ATG4C: variants seen among roughly 807,000 people sequenced by gnomAD.
ATG4C encodes cysteine protease ATG4C.
ATG4C carries 56 observed loss-of-function variants against 57.6 expected under a neutral mutation model. That is an observed-to-expected ratio of 0.97 (90% CI 0.78 to 1.21). The LOEUF is 1.21. Ranked by LOEUF, ATG4C falls within the 50% of genes most tolerant of loss-of-function variation. The probability of loss-of-function intolerance (pLI) is 0.00; values close to 1 mark genes in which losing one functional copy is unlikely to be tolerated. For missense variants in ATG4C, 595 were observed against 529.8 expected, an observed-to-expected ratio of 1.12 and a Z score of -1.21; for synonymous variants, 157 against 174.1, an observed-to-expected ratio of 0.90 and a Z score of 0.78.
chr1:62,813,667 A>G (rs971657525), intron 3 of ATG4C, among the ~76,000 whole-genome samples: 1 of 152,248 alleles, frequency 6.6e-6, no homozygotes, highest in Admixed American at 6.5e-5. Flanking sequence ...TAGGCAACCT[A>G]TAGAATGGGA....
At chr1:62,836,152 A>G (rs1229309588) in intron 9 of ATG4C, among the ~76,000 whole-genome samples, 3 of 152,142 alleles carry the variant, frequency 2.0e-5, no homozygotes, top group Non-Finnish European at 4.4e-5. Context: ...ATGTGTATAC[A>G]ATCAAAATTA....
At chr1:62,799,793 T>C (rs2100289977) in intron 1 of ATG4C, among the ~76,000 whole-genome samples, 1 of 152,312 alleles carries the variant, frequency 6.6e-6, no homozygotes, top group Non-Finnish European at 1.5e-5. Flanking sequence ...TTTTAGTTAT[T>C]TTTAAATGTT....
intron 7 of ATG4C, among the ~76,000 whole-genome samples, chr1:62,830,976 A>G (rs534131421): frequency 1.7e-4 from 26 of 152,266 alleles, no homozygotes; most frequent in African/African-American, 5.8e-4. Flanking sequence ...AAGTCAAGTG[A>G]TATATCCAAA....
At chr1:62,787,499 C>CT (rs781200595) in intron 1 of ATG4C, among the ~76,000 whole-genome samples, 5 of 152,076 alleles carry the variant, frequency 3.3e-5, no homozygotes, top group Non-Finnish European at 7.4e-5. Context: ...AAAATACATA[C>CT]TTGTGATTTT....
intron 1 of ATG4C, 143 bp from the exon 2 acceptor site, chr1:62,803,576 G>A (rs535268120): frequency 3.1e-6 from 1 of 321,236 alleles, no homozygotes; most frequent in Non-Finnish European, 5.6e-6. Flanking sequence ...TTGGTTTTCT[G>A]TTTATTTCTG....
At chr1:62,803,572 TTC>T in intron 1 of ATG4C, 145 bp from the exon 2 acceptor site, 1 of 325,662 alleles carries the variant, frequency 3.1e-6, no homozygotes, top group Non-Finnish European at 5.7e-6. Flanking sequence ...GAAATTGGTT[TTC>T]TGTTTATTTC....
intron 3 of ATG4C, among the ~76,000 whole-genome samples, chr1:62,806,948 G>A (rs1400255089): frequency 2.6e-5 from 4 of 152,164 alleles, no homozygotes; most frequent in Admixed American, 1.3e-4. Context: ...ATCATTTTTG[G>A]TTCAAACAAC....
chr1:62,849,369 G>C (rs1352830552), intron 10 of ATG4C, among the ~76,000 whole-genome samples: 2 of 152,034 alleles, frequency 1.3e-5, no homozygotes, highest in Middle Eastern at 3.2e-3. Flanking sequence ...TTTTCTTTCA[G>C]TATCTTAAAG....
intron 6 of ATG4C, among the ~76,000 whole-genome samples, chr1:62,823,956 T>C (rs969100011): frequency 6.6e-6 from 1 of 152,200 alleles, no homozygotes; most frequent in Non-Finnish European, 1.5e-5. Context: ...AATACTTCTA[T>C]TAAATATTGA....
At chr1:62,836,032 A>G (rs1306251347) in intron 9 of ATG4C, among the ~76,000 whole-genome samples, 2 of 152,124 alleles carry the variant, frequency 1.3e-5, no homozygotes, top group Admixed American at 6.6e-5. Context: ...TATTACCTAA[A>G]TAAGCAAATT....
At position 62,821,183 on chromosome 1, in the gene ATG4C, C is replaced by T; in HGVS notation, c.770C>T (p.Thr257Ile). The change falls in exon 6 of 11, where the codon ACT (threonine) becomes ATT (isoleucine). Residue 257 changes from threonine (T) to isoleucine (I), a missense_variant. Physicochemically the swap from Thr to Ile is moderately conservative, Grantham distance 89. Transcript: ENST00000317868. Reference protein sequence around the residue: ...EARHPDLQGITIYVAQDCTVY... With the variant: ...EARHPDLQGIIIYVAQDCTVY... ...AGGCATCCTGATTTACAAGGAATAA[C>T]TATTTATGTTGCACAAGATTGTACA... 1 of 1,599,280 alleles carries T rather than the reference C, an allele frequency of 6.3e-7. No homozygotes were observed. The highest frequency in any genetic ancestry group is 8.5e-7 in the Non-Finnish European group (1 of 1,174,440).
chr1:62,824,947 G>A (rs1387361847), intron 6 of ATG4C, among the ~76,000 whole-genome samples: 1 of 152,106 alleles, frequency 6.6e-6, no homozygotes, highest in Non-Finnish European at 1.5e-5. Context: ...GGGATTATAA[G>A]TGTGAGCTGG....
chr1:62,849,488 C>A (rs1013225558), intron 10 of ATG4C, among the ~76,000 whole-genome samples: 9 of 151,668 alleles, frequency 5.9e-5, no homozygotes, highest in African/African-American at 2.2e-4. Context: ...AGATGCTTTC[C>A]AACAGTTTTT....
intron 6 of ATG4C, among the ~76,000 whole-genome samples, chr1:62,828,631 GCT>G (rs1665743548): frequency 6.6e-6 from 1 of 151,994 alleles, no homozygotes; most frequent in African/African-American, 2.4e-5. Context: ...AGTTTCTTTT[GCT>G]GTGCAGAAAC....
intron 6 of ATG4C, among the ~76,000 whole-genome samples, chr1:62,821,757 A>G (rs1300226918): frequency 1.3e-5 from 2 of 152,122 alleles, no homozygotes; most frequent in Non-Finnish European, 2.9e-5. Context: ...TGGACCTTTC[A>G]ATATTTGCAT....
chr1:62,863,979 C>T lies in ATG4C; in HGVS notation c.1210-13C>T. On this transcript the variant is annotated splice_polypyrimidine_tract_variant and intron_variant, in intron 10 of 10. Transcript: ENST00000317868. ...GCATCCAATAAGGAATTCTTCTATA[C>T]TTTCTGTTACAGATGCTGAAATTTT... 6.5e-7 allele frequency: 1 copy of T among 1,541,308 alleles called. No homozygotes were observed. The highest frequency in any genetic ancestry group is 8.8e-7 in the Non-Finnish European group (1 of 1,141,248).
Position 62,793,618 on chromosome 1 carries a change from A to AAAC in ATG4C, c.-69+9346_-69+9348dup, listed in dbSNP as rs1553221619. On this transcript the variant is annotated intron_variant, in intron 1 of 10. Coordinates refer to ENST00000317868, the MANE Select transcript of ATG4C (RefSeq NM_032852.4). ...TCTCGAAAAAAAAAAAAAAAAAAAA[A>AAAC]AACCAAAAAAACAAACAAAAAACCA... Among the ~76,000 whole-genome samples, 223 of 103,992 alleles carry AAAC rather than the reference A, an allele frequency of 2.1e-3. 12 individuals are homozygous for AAAC. Among genetic ancestry groups the AAAC allele is most frequent in the African/African-American group, 2.4e-3 (63 of 25,766 alleles). The allele number at this position is 103,992 out of a possible 152,430, so 68.2% of individuals were successfully genotyped here. A position where few individuals can be genotyped will look rare whatever the true frequency, so the allele number is the denominator to read the frequency against.
At chr1:62,793,178 G>A (rs925780334) in intron 1 of ATG4C, among the ~76,000 whole-genome samples, 5 of 151,634 alleles carry the variant, frequency 3.3e-5, no homozygotes, top group Admixed American at 2.0e-4. Context: ...GAGCCACCGC[G>A]CCCGGCCATG....
intron 1 of ATG4C, among the ~76,000 whole-genome samples, chr1:62,799,828 TC>T (rs890556715): frequency 2.6e-5 from 4 of 152,096 alleles, no homozygotes; most frequent in African/African-American, 9.6e-5. Context: ...TTGACTATAA[TC>T]CCCCGTTGTG....
Sources: allele counts gnomAD v4.1 joint callset (sites outside exome capture counted in the v4.1 genomes callset), GRCh38; gene constraint gnomAD v4.1.1; transcripts MANE v1.5; gene names NCBI Gene and HGNC (gene_info 2026-07-23, HGNC 2026-07-21).